Variants in FMO3 observed in about 807,000 individuals in gnomAD.
FMO3 encodes the protein flavin containing dimethylaniline monoxygenase 3.
Under a neutral mutation model 39.4 loss-of-function variants are expected in FMO3, and 40 were observed. The ratio of observed to expected loss-of-function variants is 1.02; its 90% CI spans 0.79 to 1.32. FMO3 has a LOEUF of 1.32. Among genes scored for constraint, FMO3 ranks in the 40% most tolerant of loss-of-function variants. The pLI, the probability that FMO3 is intolerant of heterozygous loss-of-function variation, is 0.00. For missense variants in FMO3, 680 were observed against 651.8 expected, an observed-to-expected ratio of 1.04 and a Z score of -0.47; for synonymous variants, 219 against 228.8, an observed-to-expected ratio of 0.96 and a Z score of 0.39.
At chr1:171,105,657 A>T (rs999737100) in intron 3 of FMO3, among the ~76,000 whole-genome samples, 1 of 152,082 alleles carries the variant, frequency 6.6e-6, no homozygotes, top group Non-Finnish European at 1.5e-5. Context: ...AACTGTCTTG[A>T]TTGAGTTTGG....
chr1:171,096,208 A>C (rs1448137104), intron 2 of FMO3, among the ~76,000 whole-genome samples: 1 of 77,340 alleles, frequency 1.3e-5, no homozygotes, highest in East Asian at 3.9e-4. Context: ...TATCAATATA[A>C]TATTTATATA....
chr1:171,111,062 C>A, intron 6 of FMO3, 65 bp downstream of exon 6: 1 of 1,257,348 alleles, frequency 8.0e-7, no homozygotes, highest in Non-Finnish European at 1.2e-6. Flanking sequence ...CCCTTAATGT[C>A]CTGTAAGCCC....
chr1:171,107,872 T>C, intron 4 of FMO3, 35 bp downstream of exon 4: 1 of 1,590,434 alleles, frequency 6.3e-7, no homozygotes, highest in South Asian at 1.1e-5. Flanking sequence ...GCCACATAAC[T>C]GACAAAAATG....
chr1:171,111,654 C>T (rs777785263), intron 6 of FMO3, among the ~76,000 whole-genome samples: 1 of 152,168 alleles, frequency 6.6e-6, no homozygotes, highest in Non-Finnish European at 1.5e-5. Context: ...TCTCCTATAA[C>T]GTCCTCCAAG....
In FMO3 at chr1:171,113,984, A is replaced by G. The variant is rs763151309; in HGVS notation, c.828-23A>G. 5 of 1,446,266 alleles carry G rather than the reference A, an allele frequency of 3.5e-6. No individual in the cohort carries two copies. In the East Asian group the frequency reaches 9.1e-5, roughly 26 times the overall value. The allele number at this position is 1,446,266 out of a possible 1,614,324, so 89.6% of individuals were successfully genotyped here. A position where few individuals can be genotyped will look rare whatever the true frequency, so the allele number is the denominator to read the frequency against. On this transcript the variant is annotated intron_variant, in intron 6 of 8. Transcript: ENST00000367755. ...AAGAGGGAAATATTACACTTCCAATAATTGTCTCTGTTTTCCATACAGAGT... is the reference window on the plus strand; with the variant it reads ...AAGAGGGAAATATTACACTTCCAATGATTGTCTCTGTTTTCCATACAGAGT...
intron 8 of FMO3, among the ~76,000 whole-genome samples, chr1:171,116,490 T>C (rs1343232957): frequency 1.3e-5 from 2 of 152,118 alleles, no homozygotes; most frequent in Non-Finnish European, 2.9e-5. Context: ...AGGCACAGAG[T>C]AAATAATAGG....
intron 2 of FMO3, among the ~76,000 whole-genome samples, chr1:171,095,960 ATATATT>A (rs1297327260): frequency 1.7e-3 from 4 of 2,290 alleles, no homozygotes; most frequent in African/African-American, 1.7e-3. Flanking sequence ...TATTATAATT[ATATATT>A]TATAATTATA....
In FMO3 at chr1:171,103,685, T is replaced by C. The variant is rs202083704; in HGVS notation, c.133-100T>C. On this transcript the variant is annotated intron_variant, in intron 2 of 8. Coordinates refer to ENST00000367755, the MANE Select transcript of FMO3 (RefSeq NM_001002294.3). Reference sequence around the variant, plus strand: ...ACCACGGAGGTCCTGGAACCTTCCATAGATACCAAGGGATGACTGTAATTA... The same window carrying C: ...ACCACGGAGGTCCTGGAACCTTCCACAGATACCAAGGGATGACTGTAATTA... The C allele has an allele frequency of 2.1e-5, 21 of 998,732 alleles. No homozygotes were observed. In the African/African-American group the frequency reaches 2.2e-4, roughly 11 times the overall value. 61.9% of individuals were successfully genotyped at this position (998,732 alleles called of 1,614,324 possible).
At chr1:171,096,546 C>CTATACTTTATTAAATATATAA (rs1557934326) in intron 2 of FMO3, among the ~76,000 whole-genome samples, 10 of 46,814 alleles carry the variant, frequency 2.1e-4, no homozygotes, top group African/African-American at 8.3e-4. Context: ...TAAATACATA[C>CTATACTTTATTAAATATATAA]TATACTTTAT....
At chr1:171,113,241 G>C (rs1246819662) in intron 6 of FMO3, among the ~76,000 whole-genome samples, 7 of 152,130 alleles carry the variant, frequency 4.6e-5, no homozygotes, top group Non-Finnish European at 1.0e-4. Context: ...AGATATTATT[G>C]AATAAAAAGT....
At position 171,092,786 on chromosome 1, in the gene FMO3, T is replaced by G; in HGVS notation, c.128T>G (p.Phe43Cys). The G allele has an allele frequency of 1.2e-6, 2 of 1,613,832 alleles. No individual in the cohort carries two copies. The highest frequency in any genetic ancestry group is 1.7e-5 in the Admixed American group (1 of 59,996). ...AATGACATTGGGGGCCTGTGGAAAT[T>G]TTCAGTGAGTAGCATGTTGTTGTAA... ...KSNDIGGLWK[F>C]SDHAEEGRAS... The change falls in exon 2 of 9, where the codon TTT (phenylalanine) becomes TGT (cysteine). Residue 43 changes from phenylalanine to cysteine, a missense_variant. By Grantham distance (205) the Phe-to-Cys change is radical. Transcript: ENST00000367755.
chr1:171,099,487 C>T (rs1349722700), intron 2 of FMO3, among the ~76,000 whole-genome samples: 2 of 152,064 alleles, frequency 1.3e-5, no homozygotes, highest in Non-Finnish European at 2.9e-5. Flanking sequence ...TGTGGCCAAA[C>T]TTAGGGCTAT....
chr1:171,111,051 A>G, intron 6 of FMO3, 54 bp downstream of exon 6: 1 of 1,403,918 alleles, frequency 7.1e-7, no homozygotes, highest in South Asian at 1.2e-5. Flanking sequence ...AGTGTCAACA[A>G]CCCTTAATGT....
chr1:171,105,848 C>G (rs1655612083), intron 3 of FMO3, among the ~76,000 whole-genome samples: 1 of 152,012 alleles, frequency 6.6e-6, no homozygotes, highest in Non-Finnish European at 1.5e-5. Flanking sequence ...CAAAAGAAAA[C>G]TCTCGCCAAA....
intron 6 of FMO3, among the ~76,000 whole-genome samples, chr1:171,113,419 C>A (rs1378434398): frequency 6.6e-6 from 1 of 152,154 alleles, no homozygotes; most frequent in African/African-American, 2.4e-5. Context: ...AGCTCTCACA[C>A]CTTTGACTTT....
Position 171,107,656 on chromosome 1 carries a change from C to T in FMO3, c.322-19C>T. 1 of 1,609,310 alleles carries T rather than the reference C, an allele frequency of 6.2e-7. No individual in the cohort carries two copies. The highest frequency in any genetic ancestry group is 8.5e-7 in the Non-Finnish European group (1 of 1,175,862). ...TTGCTAGCATAGAAAAGAGGGATTT[C>T]TTTCTGTATTTCTCTTAGACATTTG... On this transcript the variant is annotated intron_variant, in intron 3 of 8. Transcript: ENST00000367755.
At chr1:171,116,173 C>T (rs766046020) in intron 7 of FMO3, 35 bp from the exon 8 acceptor site, 1 of 1,178,956 alleles carries the variant, frequency 8.5e-7, no homozygotes, top group Admixed American at 1.8e-5. Flanking sequence ...ATGCCAGACT[C>T]ATTAATTACC....
chr1:171,117,587 G>A lies in FMO3; in HGVS notation c.*145G>A, dbSNP rs2101926033. 1 of 616,224 alleles carries A rather than the reference G, an allele frequency of 1.6e-6. No homozygotes were observed. Among genetic ancestry groups the A allele is most frequent in the Non-Finnish European group, 2.8e-6 (1 of 356,530 alleles). 38.2% of individuals were successfully genotyped at this position (616,224 alleles called of 1,614,324 possible). ...TGTAGACATTAGTCAGTAATACAGT[G>A]TTATTTCTAGGCTCTGAAATAGCCA... On this transcript the variant is annotated 3_prime_UTR_variant, in exon 9 of 9. Coordinates refer to ENST00000367755, the MANE Select transcript of FMO3 (RefSeq NM_001002294.3).
Position 171,117,644 on chromosome 1 carries a change from C to A in FMO3, c.*202C>A. ...GAATCATGTCATGATCTTAAGAGAG[C>A]ACTAATCATTTCTGTTTGAGTTCCA... On this transcript the variant is annotated 3_prime_UTR_variant, in exon 9 of 9. Transcript: ENST00000367755. 2.0e-6 allele frequency: 1 copy of A among 497,704 alleles called. No homozygotes were observed. The highest frequency in any genetic ancestry group is 3.5e-6 in the Non-Finnish European group (1 of 282,864). 30.8% of individuals were successfully genotyped at this position (497,704 alleles called of 1,614,324 possible).
Sources: allele counts gnomAD v4.1 joint callset (sites outside exome capture counted in the v4.1 genomes callset), GRCh38; gene constraint gnomAD v4.1.1; transcripts MANE v1.5; gene names NCBI Gene and HGNC (gene_info 2026-07-23, HGNC 2026-07-21).